PIWIL2: variants seen among roughly 807,000 people sequenced by gnomAD.
PIWIL2 encodes the protein piwi-like protein 2.
In PIWIL2, 81 loss-of-function variants were observed where a neutral mutation model predicts 116.5. The ratio of observed to expected loss-of-function variants is 0.70; its 90% CI spans 0.58 to 0.84. The LOEUF is 0.84. Among genes scored for constraint, PIWIL2 ranks in the 40% least tolerant of loss-of-function variants. PIWIL2 has a pLI of 0.00. For missense variants in PIWIL2, 1,272 were observed against 1,212.3 expected, an observed-to-expected ratio of 1.05 and a Z score of -0.73; for synonymous variants, 489 against 429.5, an observed-to-expected ratio of 1.14 and a Z score of -1.71.
At chr8:22,313,337 T>TA (rs1228385048) in intron 16 of PIWIL2, among the ~76,000 whole-genome samples, 2 of 152,154 alleles carry the variant, frequency 1.3e-5, no homozygotes, top group African/African-American at 4.8e-5. Flanking sequence ...TGACTGGAGA[T>TA]ATAAACCCAG....
intron 15 of PIWIL2, among the ~76,000 whole-genome samples, 171 bp from the exon 16 acceptor site, chr8:22,310,941 G>A (rs1831313857): frequency 6.6e-6 from 1 of 152,174 alleles, no homozygotes; most frequent in Non-Finnish European, 1.5e-5. Context: ...TCCATTTTGA[G>A]ACTACGCCAC....
chr8:22,355,831 T>C lies in PIWIL2; in HGVS notation c.*326T>C, dbSNP rs1832478340. On this transcript the variant is annotated 3_prime_UTR_variant, in exon 23 of 23. Coordinates refer to ENST00000356766, the MANE Select transcript of PIWIL2 (RefSeq NM_018068.5). ...GTTCACACCTGTAATCCAAGCACTTTGGGAGGCCGAGGCGGGTGGATCATG... is the reference window on the plus strand; with the variant it reads ...GTTCACACCTGTAATCCAAGCACTTCGGGAGGCCGAGGCGGGTGGATCATG... 6.9e-5 allele frequency: 18 copies of C among 259,284 alleles called. No homozygotes were observed. In the South Asian group the frequency reaches 1.0e-3, roughly 15 times the overall value. 16.1% of individuals were successfully genotyped at this position (259,284 alleles called of 1,614,324 possible).
At chr8:22,275,678 C>T (rs574024698) in intron 1 of PIWIL2, 2 of 152,482 alleles carry the variant, frequency 1.3e-5, no homozygotes, top group South Asian at 2.1e-4. Flanking sequence ...GAGATAGAAC[C>T]CCTGGCAGGG....
At chr8:22,298,827 G>T (rs761794283) in intron 10 of PIWIL2, among the ~76,000 whole-genome samples, 5 of 152,228 alleles carry the variant, frequency 3.3e-5, no homozygotes, top group Admixed American at 6.5e-5. Flanking sequence ...TTCTGAGGAA[G>T]GGTGGTTACT....
intron 20 of PIWIL2, among the ~76,000 whole-genome samples, chr8:22,336,289 T>A (rs1416038234): frequency 6.6e-6 from 1 of 152,084 alleles, no homozygotes; most frequent in African/African-American, 2.4e-5. Flanking sequence ...AAATACATTC[T>A]CAACCCACAA....
chr8:22,306,985 A>G (rs1399007296), intron 13 of PIWIL2, among the ~76,000 whole-genome samples: 3 of 152,218 alleles, frequency 2.0e-5, no homozygotes, highest in Admixed American at 6.5e-5. Flanking sequence ...GTTAGATTTT[A>G]CTCAACAATA....
chr8:22,299,893 A>G (rs547218577), intron 10 of PIWIL2, among the ~76,000 whole-genome samples: 17 of 152,070 alleles, frequency 1.1e-4, no homozygotes, highest in African/African-American at 3.9e-4. Context: ...TTTTATATAC[A>G]TGGAATCGCT....
intron 14 of PIWIL2, among the ~76,000 whole-genome samples, chr8:22,309,618 C>T (rs376261454): frequency 2.6e-5 from 4 of 152,170 alleles, no homozygotes; most frequent in Admixed American, 1.3e-4. Context: ...GGATTACAGG[C>T]GTGAGCCACG....
At chr8:22,279,632 TGCCGTCAGAGGAA>T in intron 2 of PIWIL2, 48 bp downstream of exon 2, 1 of 1,535,398 alleles carries the variant, frequency 6.5e-7, no homozygotes, top group Non-Finnish European at 9.0e-7. Context: ...CTTACCTGTG[TGCCGTCAGAGGAA>T]GTAATGGATT....
chr8:22,299,217 C>CT (rs994262565), intron 10 of PIWIL2, among the ~76,000 whole-genome samples: 42 of 143,330 alleles, frequency 2.9e-4, no homozygotes, highest in East Asian at 6.1e-4. Context: ...TCTTTTTTTT[C>CT]TTTTTTTTTT....
chr8:22,319,591 C>G (rs1226315344), intron 20 of PIWIL2, among the ~76,000 whole-genome samples: 1 of 152,108 alleles, frequency 6.6e-6, no homozygotes, highest in African/African-American at 2.4e-5. Context: ...AGCAAATTAC[C>G]CTGAAACTTA....
At chr8:22,347,805 G>A (rs570340051) in intron 20 of PIWIL2, among the ~76,000 whole-genome samples, 3 of 152,086 alleles carry the variant, frequency 2.0e-5, no homozygotes, top group Admixed American at 2.0e-4. Flanking sequence ...GGGATTACAG[G>A]TGTGAGCCAC....
At chr8:22,351,675 C>T (rs759919421) in intron 20 of PIWIL2, among the ~76,000 whole-genome samples, 94 of 149,942 alleles carry the variant, frequency 6.3e-4, no homozygotes, top group Admixed American at 1.1e-3. Context: ...ATAGCTGGGA[C>T]TACAGGTGTG....
intron 17 of PIWIL2, among the ~76,000 whole-genome samples, chr8:22,314,765 C>T (rs1017101851): frequency 2.0e-5 from 3 of 151,982 alleles, no homozygotes; most frequent in Non-Finnish European, 4.4e-5. Flanking sequence ...TTCCACTCTG[C>T]GTGAGATCCT....
chr8:22,337,821 G>C (rs1294232469), intron 20 of PIWIL2, among the ~76,000 whole-genome samples: 1 of 151,240 alleles, frequency 6.6e-6, no homozygotes, highest in East Asian at 2.0e-4. Flanking sequence ...TAGGCCAGGC[G>C]CAGTGACTCG....
chr8:22,326,828 C>A (rs923250572), intron 20 of PIWIL2, among the ~76,000 whole-genome samples: 1 of 151,536 alleles, frequency 6.6e-6, no homozygotes, highest in South Asian at 2.1e-4. Flanking sequence ...TGTTTAAGTT[C>A]CCATTTTCAG....
chr8:22,322,044 T>G, intron 20 of PIWIL2: 1 of 941,304 alleles, frequency 1.1e-6, no homozygotes, highest in Non-Finnish European at 1.3e-6. Flanking sequence ...TAAATAAACT[T>G]TTTATTTTGG....
chr8:22,313,590 A>T (rs1831384225), intron 16 of PIWIL2, among the ~76,000 whole-genome samples: 1 of 152,242 alleles, frequency 6.6e-6, no homozygotes, highest in Non-Finnish European at 1.5e-5. Flanking sequence ...TCCTCTGAAC[A>T]GTCTTAACAT....
chr8:22,324,648 A>G (rs989599627), intron 20 of PIWIL2, among the ~76,000 whole-genome samples: 1 of 152,192 alleles, frequency 6.6e-6, no homozygotes, highest in African/African-American at 2.4e-5. Context: ...GCTTGTTATG[A>G]GTTTGTGCTC....
Sources: allele counts gnomAD v4.1 joint callset (sites outside exome capture counted in the v4.1 genomes callset), GRCh38; gene constraint gnomAD v4.1.1; transcripts MANE v1.5; gene names NCBI Gene and HGNC (gene_info 2026-07-23, HGNC 2026-07-21).